The following LAPTM4B variants were observed in gnomAD, a reference collection of about 807,000 sequenced individuals.
The protein encoded by LAPTM4B is lysosomal protein transmembrane 4 beta, also known as lysosomal-associated transmembrane protein 4B.
A neutral mutation model predicts 28.5 loss-of-function variants in LAPTM4B; 26 were observed. The ratio of observed to expected loss-of-function variants is 0.91; its 90% CI spans 0.67 to 1.27. The LOEUF (loss-of-function observed/expected upper bound fraction) is 1.27. Among genes scored for constraint, LAPTM4B ranks in the 50% most tolerant of loss-of-function variants. The probability of loss-of-function intolerance (pLI) is 0.00; values close to 1 mark genes in which losing one functional copy is unlikely to be tolerated. For synonymous variants in LAPTM4B, 109 were observed against 106.4 expected, an observed-to-expected ratio of 1.02 and a Z score of -0.15; for missense variants, 288 against 285.8, an observed-to-expected ratio of 1.01 and a Z score of -0.06.
chr8:97,795,777 C>G (rs1444993602), intron 1 of LAPTM4B, among the ~76,000 whole-genome samples: 1 of 151,196 alleles, frequency 6.6e-6, no homozygotes, highest in African/African-American at 2.4e-5. Flanking sequence ...TGCTTGAACC[C>G]CAGAGGCCGA....
chr8:97,851,380 T>C lies in LAPTM4B; in HGVS notation c.604-17T>C, dbSNP rs768361748. The C allele has an allele frequency of 5.2e-6, 8 of 1,547,916 alleles. No individual in the cohort carries two copies. In the Admixed American group the frequency reaches 8.5e-5, roughly 16 times the overall value. ...GCTCTTCAAACATTAACTCTTGCCG[T>C]CCCTCTTTCTTCTCAGGTGCTGCTA... On this transcript the variant is annotated splice_polypyrimidine_tract_variant and intron_variant, in intron 6 of 6. Transcript: ENST00000521545.
In LAPTM4B at chr8:97,819,371, C is replaced by T. The variant is rs1279617835; in HGVS notation, c.507+133C>T. On this transcript the variant is annotated intron_variant, in intron 5 of 6. Transcript: ENST00000521545. ...ATTGCTTTTTGATTTCCTAAGATTA[C>T]AATTCTTTATGCTGTCTATGTTGGA... 8 of 601,948 alleles carry T rather than the reference C, an allele frequency of 1.3e-5. No individual in the cohort carries two copies. The African/African-American group carries it at 1.5e-4, about 11-fold the overall frequency. The allele number at this position is 601,948 out of a possible 1,614,324, so 37.3% of individuals were successfully genotyped here. A position where few individuals can be genotyped will look rare whatever the true frequency, so the allele number is the denominator to read the frequency against.
intron 5 of LAPTM4B, among the ~76,000 whole-genome samples, chr8:97,820,738 G>C (rs1393282042): frequency 6.6e-6 from 1 of 151,682 alleles, no homozygotes; most frequent in East Asian, 2.0e-4. Flanking sequence ...TCTTGTTGTT[G>C]TTGTTGTTGA....
At chr8:97,824,058 T>C (rs1817054864) in intron 5 of LAPTM4B, among the ~76,000 whole-genome samples, 3 of 152,194 alleles carry the variant, frequency 2.0e-5, no homozygotes, top group Admixed American at 2.0e-4. Flanking sequence ...CCACATTTTG[T>C]CTATCCATTC....
At chr8:97,837,866 G>A (rs1817286103) in intron 6 of LAPTM4B, among the ~76,000 whole-genome samples, 1 of 152,178 alleles carries the variant, frequency 6.6e-6, no homozygotes, top group Non-Finnish European at 1.5e-5. Context: ...AAGTTTAGAA[G>A]AGAGATCTTA....
At chr8:97,790,534 A>C (rs747628614) in intron 1 of LAPTM4B, among the ~76,000 whole-genome samples, 1 of 151,230 alleles carries the variant, frequency 6.6e-6, no homozygotes. Flanking sequence ...CTGGTCTCGA[A>C]CTCCCGACCT....
At chr8:97,837,410 C>G (rs530356026) in intron 6 of LAPTM4B, among the ~76,000 whole-genome samples, 2 of 152,100 alleles carry the variant, frequency 1.3e-5, no homozygotes, top group South Asian at 4.2e-4. Flanking sequence ...CCAGGCTGGT[C>G]TGAAACTCCT....
intron 2 of LAPTM4B, among the ~76,000 whole-genome samples, chr8:97,806,738 G>A (rs1172358973): frequency 6.6e-6 from 1 of 152,108 alleles, no homozygotes; most frequent in Non-Finnish European, 1.5e-5. Context: ...TGGCAGATCA[G>A]CTGAGGCCAG....
chr8:97,799,514 A>G (rs978319778), intron 1 of LAPTM4B, among the ~76,000 whole-genome samples: 1 of 152,214 alleles, frequency 6.6e-6, no homozygotes, highest in Non-Finnish European at 1.5e-5. Context: ...ACTTCAGGTT[A>G]TCTGAACCTG....
At position 97,775,997 on chromosome 8, in the gene LAPTM4B, T is replaced by G. The variant is rs747205379; in HGVS notation, c.-13T>G. On this transcript the variant is annotated 5_prime_UTR_variant, in exon 1 of 7. Coordinates refer to ENST00000521545, the MANE Select transcript of LAPTM4B (RefSeq NM_018407.6). ...AAACTTGCGCGCGCGCTCGCGCCAC[T>G]GCGCCCGGAGCGATGAAGATGGTCG... The G allele has an allele frequency of 6.4e-7, 1 of 1,568,066 alleles. No homozygotes were observed. The highest frequency in any genetic ancestry group is 8.6e-7 in the Non-Finnish European group (1 of 1,163,496).
chr8:97,783,364 TCA>T (rs1816353832), intron 1 of LAPTM4B, among the ~76,000 whole-genome samples: 1 of 152,128 alleles, frequency 6.6e-6, no homozygotes, highest in Non-Finnish European at 1.5e-5. Context: ...ACATAGAAAC[TCA>T]CAGTTTCCTT....
intron 6 of LAPTM4B, among the ~76,000 whole-genome samples, chr8:97,826,469 CT>C (rs1817093054): frequency 6.6e-6 from 1 of 152,136 alleles, no homozygotes; most frequent in African/African-American, 2.4e-5. Flanking sequence ...GATAAAATTA[CT>C]GGCTTAAGAA....
chr8:97,798,360 T>A (rs902501489), intron 1 of LAPTM4B, among the ~76,000 whole-genome samples: 11 of 152,150 alleles, frequency 7.2e-5, no homozygotes, highest in African/African-American at 2.4e-4. Context: ...CAATTGAGGT[T>A]TTATATAATA....
chr8:97,794,874 C>G (rs573495597), intron 1 of LAPTM4B, among the ~76,000 whole-genome samples: 1 of 152,080 alleles, frequency 6.6e-6, no homozygotes, highest in African/African-American at 2.4e-5. Flanking sequence ...CCACCATGCC[C>G]GGCTAATTTT....
Position 97,816,175 on chromosome 8 carries a change from CA to C in LAPTM4B, c.405del (p.Gln135HisfsTer15). The C allele has an allele frequency of 6.2e-7, 1 of 1,611,352 alleles. No homozygotes were observed. Among genetic ancestry groups the C allele is most frequent in the South Asian group, 1.1e-5 (1 of 90,120 alleles). Reference protein sequence around the residue: ...YPNSIQEYIRQLPPNFPYRDD... With the variant: ...YPNSIQEYIRXLPPNFPYRDD... ...AAACTCCATTCAGGAATACATACGGCAACTGGTACGTGGACCTCTTACTGCT... is the reference window on the plus strand; with the variant it reads ...AAACTCCATTCAGGAATACATACGGCACTGGTACGTGGACCTCTTACTGCT... On this transcript the variant is annotated frameshift_variant, in exon 4 of 7. Coordinates refer to ENST00000521545, the MANE Select transcript of LAPTM4B (RefSeq NM_018407.6). LOFTEE classifies it high-confidence loss of function.
chr8:97,846,263 T>C (rs994896342), intron 6 of LAPTM4B, among the ~76,000 whole-genome samples: 3 of 152,056 alleles, frequency 2.0e-5, no homozygotes, highest in African/African-American at 4.8e-5. Flanking sequence ...AGTAGAATTC[T>C]AAATAAGCCT....
chr8:97,815,975 G>C, intron 3 of LAPTM4B, 83 bp from the exon 4 acceptor site: 1 of 1,301,052 alleles, frequency 7.7e-7, no homozygotes, highest in Non-Finnish European at 1.0e-6. Context: ...TTTCCTTTCA[G>C]ATTAATAAAA....
chr8:97,789,808 A>G (rs2129738145), intron 1 of LAPTM4B, among the ~76,000 whole-genome samples: 1 of 152,184 alleles, frequency 6.6e-6, no homozygotes, highest in Non-Finnish European at 1.5e-5. Context: ...GGCATGAGCC[A>G]CCTTGCCCGG....
intron 6 of LAPTM4B, among the ~76,000 whole-genome samples, chr8:97,843,488 C>T (rs1027211176): frequency 2.0e-5 from 3 of 152,088 alleles, no homozygotes; most frequent in Non-Finnish European, 4.4e-5. Context: ...ATAAATAAAT[C>T]ATTTGCTGGC....
Sources: allele counts gnomAD v4.1 joint callset (sites outside exome capture counted in the v4.1 genomes callset), GRCh38; gene constraint gnomAD v4.1.1; transcripts MANE v1.5; gene names NCBI Gene and HGNC (gene_info 2026-07-23, HGNC 2026-07-21).